Variants in ZNF516 observed in about 807,000 individuals in gnomAD.
ZNF516 encodes zinc finger protein 516.
ZNF516 carries 19 observed loss-of-function variants against 79.7 expected under a neutral mutation model. The ratio of observed to expected loss-of-function variants is 0.24; its 90% CI spans 0.17 to 0.35. ZNF516 has a LOEUF of 0.35. Ranked by LOEUF, ZNF516 falls within the 10% of genes least tolerant of loss-of-function variation. The pLI is 1.00. For synonymous variants in ZNF516, 877 were observed against 739.5 expected (o/e 1.19, Z -3.02); for missense variants, 1,678 against 1,679.5 (o/e 1.00, Z 0.02).
chr18:76,392,137 C>T (rs189145757), intron 3 of ZNF516, among the ~76,000 whole-genome samples: 8 of 152,340 alleles, frequency 5.3e-5, no homozygotes, highest in South Asian at 4.1e-4. Flanking sequence ...AAACACAGTA[C>T]GGCCAAGGGA....
Position 76,379,959 on chromosome 18 carries a change from A to T in ZNF516, c.2155T>A (p.Ser719Thr). The T allele has an allele frequency of 1.2e-6, 2 of 1,613,912 alleles. No individual in the cohort carries two copies. The highest frequency in any genetic ancestry group is 1.7e-6 in the Non-Finnish European group (2 of 1,179,872). The change falls in exon 4 of 7, where the codon TCT becomes ACT. Residue 719 changes from serine to threonine, a missense_variant. Ser to Thr is a moderately conservative substitution (Grantham distance 58). Coordinates refer to ENST00000443185, the MANE Select transcript of ZNF516 (RefSeq NM_014643.4). ...GCCAGCGCCCGCTTCCCTCCCCCAG[A>T]GTGTTCCTTGTTGTGCAAATCGGAC... ...KLSDLHNKEH[S>T]GGGKRALAPD...
chr18:76,404,358 G>A (rs1290693107), intron 3 of ZNF516, among the ~76,000 whole-genome samples: 1 of 1,338 alleles, frequency 7.5e-4, no homozygotes, highest in Admixed American at 0.028. Flanking sequence ...CATATACTAC[G>A]TGTAATGTGC....
At chr18:76,437,598 G>C (rs2075760460) in intron 3 of ZNF516, among the ~76,000 whole-genome samples, 2 of 152,094 alleles carry the variant, frequency 1.3e-5, no homozygotes, top group African/African-American at 2.4e-5. Context: ...TGTGGGACAG[G>C]GGTGACTGAT....
intron 4 of ZNF516, chr18:76,372,775 C>G (rs2074727971): frequency 6.6e-6 from 1 of 152,254 alleles, no homozygotes; most frequent in Non-Finnish European, 1.5e-5. Context: ...AGAAATTCAA[C>G]AACTTAGCCA....
chr18:76,418,208 C>T (rs545086196), intron 3 of ZNF516, among the ~76,000 whole-genome samples: 15 of 152,062 alleles, frequency 9.9e-5, no homozygotes, highest in South Asian at 4.2e-4. Context: ...CTGTAACACA[C>T]GCTATAACAC....
intron 1 of ZNF516, among the ~76,000 whole-genome samples, chr18:76,484,396 CAT>C (rs1914708246): frequency 6.6e-6 from 1 of 152,144 alleles, no homozygotes; most frequent in African/African-American, 2.4e-5. Flanking sequence ...TACAAAGAAA[CAT>C]AAACAATCAC....
rs971982522 is a variant in ZNF516 at position 76,357,785 on chromosome 18, C to A, written c.*4713G>T. ...CACAGTGCCAGCCCTTGTGTCCCCACATTTTTGACACAATAATTTCCTCCA... is the reference window on the plus strand; with the variant it reads ...CACAGTGCCAGCCCTTGTGTCCCCAAATTTTTGACACAATAATTTCCTCCA... On this transcript the variant is annotated 3_prime_UTR_variant, in exon 7 of 7. Transcript: ENST00000443185. Among the ~76,000 whole-genome samples the A allele has an allele frequency of 6.6e-6, 1 of 152,204 alleles. No homozygotes were observed. Among genetic ancestry groups the A allele is most frequent in the Non-Finnish European group, 1.5e-5 (1 of 68,044 alleles).
At chr18:76,385,243 T>C (rs1412239809) in intron 3 of ZNF516, among the ~76,000 whole-genome samples, 1 of 152,168 alleles carries the variant, frequency 6.6e-6, no homozygotes, top group African/African-American at 2.4e-5. Context: ...CAAACATGGA[T>C]TAGGTCTTGG....
At chr18:76,395,288 C>T (rs1159143953) in intron 3 of ZNF516, among the ~76,000 whole-genome samples, 1 of 152,218 alleles carries the variant, frequency 6.6e-6, no homozygotes, top group Non-Finnish European at 1.5e-5. Flanking sequence ...CCTAAACGAG[C>T]ATCTCCCAGA....
chr18:76,381,216 G>A (rs73477142), intron 3 of ZNF516, among the ~76,000 whole-genome samples: 14,249 of 152,218 alleles, frequency 0.094, 728 homozygotes, highest in South Asian at 0.15. Flanking sequence ...TCCAAAGTCA[G>A]AAGAGACTGT....
chr18:76,437,204 G>A (rs986664416), intron 3 of ZNF516, among the ~76,000 whole-genome samples: 1 of 152,110 alleles, frequency 6.6e-6, no homozygotes, highest in African/African-American at 2.4e-5. Context: ...CATGACTGCA[G>A]CCTGGCCTTC....
intron 3 of ZNF516, among the ~76,000 whole-genome samples, chr18:76,382,973 C>G (rs2074917698): frequency 7.0e-6 from 1 of 142,400 alleles, no homozygotes; most frequent in Admixed American, 7.5e-5. Flanking sequence ...GAGGGGGAGG[C>G]TGCAGTGAGC....
chr18:76,491,298 C>T (rs1029030172), intron 1 of ZNF516, among the ~76,000 whole-genome samples: 15 of 123,830 alleles, frequency 1.2e-4, no homozygotes, highest in Non-Finnish European at 5.2e-5. Context: ...CCGGCCCCGG[C>T]CCTCCACAGC....
At chr18:76,383,127 C>T (rs2074921888) in intron 3 of ZNF516, among the ~76,000 whole-genome samples, 1 of 151,530 alleles carries the variant, frequency 6.6e-6, no homozygotes, top group African/African-American at 2.4e-5. Flanking sequence ...CTCTGGAACA[C>T]ACAGACCCTG....
chr18:76,409,951 G>T (rs1185848040), intron 3 of ZNF516, among the ~76,000 whole-genome samples: 2 of 152,180 alleles, frequency 1.3e-5, no homozygotes, highest in East Asian at 3.8e-4. Flanking sequence ...TGTTCTCATG[G>T]TAGTAAGTTT....
chr18:76,495,754 A>G (rs1467515807), upstream of ZNF516: 3 of 1,166,904 alleles, frequency 2.6e-6, no homozygotes, highest in East Asian at 2.6e-4. Flanking sequence ...CCCCATCTGG[A>G]CTGAAATGGG....
At position 76,370,584 on chromosome 18, in the gene ZNF516, A is replaced by G; in HGVS notation, c.3376T>C (p.Ser1126Pro). Residue 1126 changes from serine to proline, a missense_variant, in exon 6 of 7, where the codon TCC becomes CCC. Around this residue, in one of 5 missense-constraint regions of ZNF516, gnomAD observed 1,294 missense variants for 1,248.3 expected, o/e 1.04. Coordinates refer to ENST00000443185, the MANE Select transcript of ZNF516 (RefSeq NM_014643.4). ...HMRAHSVVFESDGPRGSEVHT... is the reference protein window; with the variant it reads ...HMRAHSVVFEPDGPRGSEVHT... ...ACTTCAGAACCCCGAGGCCCATCGG[A>G]CTCAAACACCACTGTGGGAACAAGG... The G allele has an allele frequency of 6.2e-7, 1 of 1,603,650 alleles. No homozygotes were observed. The highest frequency in any genetic ancestry group is 8.5e-7 in the Non-Finnish European group (1 of 1,174,704).
intron 3 of ZNF516, among the ~76,000 whole-genome samples, chr18:76,407,740 T>C (rs548208560): frequency 2.4e-4 from 37 of 152,352 alleles, no homozygotes; most frequent in Admixed American, 9.1e-4. Context: ...AACACCCTTA[T>C]AGCTACAGCC....
chr18:76,425,962 T>C (rs1223180099), intron 3 of ZNF516, among the ~76,000 whole-genome samples: 1 of 152,250 alleles, frequency 6.6e-6, no homozygotes, highest in Non-Finnish European at 1.5e-5. Flanking sequence ...GCACAGGGAA[T>C]TTCAGACGTC....
Sources: allele counts gnomAD v4.1 joint callset (sites outside exome capture counted in the v4.1 genomes callset), GRCh38; gene constraint gnomAD v4.1.1; regional missense constraint gnomAD v4.1.1; transcripts MANE v1.5; gene names NCBI Gene and HGNC (gene_info 2026-07-23, HGNC 2026-07-21).